Variants in BUB1 observed in about 807,000 individuals in gnomAD.
BUB1 encodes BUB1 mitotic checkpoint serine/threonine kinase.
A neutral mutation model predicts 135.2 loss-of-function variants in BUB1; 84 were observed. That is an observed-to-expected ratio of 0.62 (90% CI 0.52 to 0.74). BUB1 has a LOEUF of 0.74. Among genes scored for constraint, BUB1 ranks in the 30% least tolerant of loss-of-function variants. The pLI is 0.00. For missense variants in BUB1, 1,162 were observed against 1,288.3 expected (o/e 0.90, Z 1.50); for synonymous variants, 403 against 434.4 (o/e 0.93, Z 0.90).
intron 19 of BUB1, among the ~76,000 whole-genome samples, chr2:110,644,890 T>C (rs1249934889): frequency 6.6e-6 from 1 of 152,046 alleles, no homozygotes; most frequent in African/African-American, 2.4e-5. Context: ...TTGCAAACAC[T>C]AGGTTAACCA....
chr2:110,657,594 AAAG>A lies in BUB1; in HGVS notation c.1565_1567del (p.Ser522del), dbSNP rs1689967300. On this transcript the variant is annotated inframe_deletion, in exon 14 of 25. Transcript: ENST00000302759. ...TTCAAACACATGAAAAGCAGATGAC[AAAG>A]AAGAGATGATCTTATTGACTCCCCA... 1 of 1,608,562 alleles carries A rather than the reference AAAG, an allele frequency of 6.2e-7. No homozygotes were observed.
chr2:110,674,613 A>AT (rs1559176766), intron 1 of BUB1, among the ~76,000 whole-genome samples: 1 of 152,224 alleles, frequency 6.6e-6, no homozygotes, highest in Non-Finnish European at 1.5e-5. Context: ...GTGTTTTTCC[A>AT]TAAGTCCCAG....
Position 110,674,078 on chromosome 2 carries a change from A to G in BUB1, c.225+8T>C, listed in dbSNP as rs1032223008. On this transcript the variant is annotated splice_region_variant and intron_variant, in intron 3 of 24. Coordinates refer to ENST00000302759, the MANE Select transcript of BUB1 (RefSeq NM_004336.5). ...ATAGATTTGATTATACATCTTAAGT[A>G]TACTTACAAATTTTAAACAATAACT... is the stretch of plus-strand genomic sequence containing the variant. The G allele has an allele frequency of 2.6e-5, 39 of 1,502,654 alleles. No homozygotes were observed. In the Admixed American group the frequency reaches 5.4e-4, roughly 21 times the overall value. The allele number at this position is 1,502,654 out of a possible 1,614,324, so 93.1% of individuals were successfully genotyped here. A position where few individuals can be genotyped will look rare whatever the true frequency, so the allele number is the denominator to read the frequency against.
Position 110,643,689 on chromosome 2 carries a change from G to C in BUB1, c.2348-1455C>G, listed in dbSNP as rs553499556. 1.2e-4 allele frequency among the ~76,000 whole-genome samples: 18 copies of C among 152,260 alleles called. No homozygotes were observed. In the South Asian group the frequency reaches 3.7e-3, roughly 32 times the overall value. ...GGTTCTCACTCTGTCACCCAGGCTA[G>C]AGTGCAGTAGCATGAACATAGCTCA... On this transcript the variant is annotated intron_variant, in intron 19 of 24. Coordinates refer to ENST00000302759, the MANE Select transcript of BUB1 (RefSeq NM_004336.5).
intron 19 of BUB1, among the ~76,000 whole-genome samples, chr2:110,647,632 C>G (rs1247435744): frequency 6.6e-6 from 1 of 151,692 alleles, no homozygotes; most frequent in Non-Finnish European, 1.5e-5. Flanking sequence ...TACAAAAAAC[C>G]TACAGCTAAA....
chr2:110,653,255 T>C (rs747190937), intron 17 of BUB1, among the ~76,000 whole-genome samples, 181 bp downstream of exon 17: 10 of 152,250 alleles, frequency 6.6e-5, no homozygotes, highest in Non-Finnish European at 1.2e-4. Context: ...CACTGTTGTA[T>C]GTATATTCAC....
At chr2:110,665,555 AAAAG>A (rs755001348) in intron 9 of BUB1, among the ~76,000 whole-genome samples, 82 of 151,104 alleles carry the variant, frequency 5.4e-4, no homozygotes, top group Non-Finnish European at 1.1e-3. Flanking sequence ...AATTAAAAAA[AAAAG>A]AAAAAGAATG....
At chr2:110,676,930 AAAT>A (rs1690606248) in intron 1 of BUB1, among the ~76,000 whole-genome samples, 2 of 152,008 alleles carry the variant, frequency 1.3e-5, no homozygotes, top group Non-Finnish European at 2.9e-5. Context: ...AAACTAAAAA[AAAT>A]AATAATTCTG....
intron 16 of BUB1, among the ~76,000 whole-genome samples, chr2:110,654,894 A>C (rs1281749752): frequency 6.6e-6 from 1 of 152,142 alleles, no homozygotes; most frequent in African/African-American, 2.4e-5. Context: ...TAAAAGCGTG[A>C]GCAATGATAG....
intron 16 of BUB1, 60 bp downstream of exon 16, chr2:110,655,679 A>C: frequency 7.2e-7 from 1 of 1,394,804 alleles, no homozygotes; most frequent in South Asian, 1.6e-5. Flanking sequence ...AAACTTCATG[A>C]AGAAAACTGA....
chr2:110,651,364 T>G (rs1392214801), intron 17 of BUB1, among the ~76,000 whole-genome samples: 1 of 152,096 alleles, frequency 6.6e-6, no homozygotes, highest in Non-Finnish European at 1.5e-5. Flanking sequence ...TGTGTGGTCG[T>G]TTTTAACAAA....
intron 6 of BUB1, 120 bp downstream of exon 6, chr2:110,669,333 C>G (rs1289953614): frequency 5.6e-6 from 4 of 718,168 alleles, no homozygotes; most frequent in Admixed American, 2.2e-5. Flanking sequence ...TGACATGGAG[C>G]TCAGAGCCAT....
rs1409623485 is a variant in BUB1, at chr2:110,669,547, G to C, written c.473C>G (p.Thr158Ser). Residue 158 changes from threonine (T) to serine (S), a missense_variant, in exon 6 of 25, where the codon ACC becomes AGC. Transcript: ENST00000302759. ...CTGAACATTATGCAGAGGTTCTGAG[G>C]TTCTAGCTATGAGGGAAAAGAGGAT... Reference protein sequence around the residue: ...TETHLPAQARTSEPLHNVQVL... With the variant: ...TETHLPAQARSSEPLHNVQVL... 2 of 1,599,568 alleles carry C rather than the reference G, an allele frequency of 1.3e-6. No individual in the cohort carries two copies. The highest frequency in any genetic ancestry group is 2.2e-5 in the East Asian group (1 of 44,814).
chr2:110,662,090 T>G (rs1690116253), intron 9 of BUB1: 2 of 460,512 alleles, frequency 4.3e-6, no homozygotes, highest in Admixed American at 3.9e-5. Flanking sequence ...TTCTAACCAC[T>G]GAAATAACAA....
intron 1 of BUB1, among the ~76,000 whole-genome samples, chr2:110,676,083 T>G (rs1188293315): frequency 6.6e-6 from 1 of 151,850 alleles, no homozygotes; most frequent in African/African-American, 2.4e-5. Flanking sequence ...AACTTCTCCA[T>G]GGCAAATAAC....
intron 1 of BUB1, among the ~76,000 whole-genome samples, chr2:110,676,933 T>TA (rs148467943): frequency 0.012 from 1,823 of 152,252 alleles, 41 homozygotes; most frequent in African/African-American, 0.042. Context: ...CTAAAAAAAA[T>TA]AATAATTCTG....
rs577116714 is a variant in BUB1, at chr2:110,661,958, T to A, written c.958-117A>T. On this transcript the variant is annotated intron_variant, in intron 9 of 24. Transcript: ENST00000302759. ...TGTCTTCAATGGATTCCTTTTTCCTTGAAGTTTCCCCATACTCCTTCTTCA... is the reference window on the plus strand; with the variant it reads ...TGTCTTCAATGGATTCCTTTTTCCTAGAAGTTTCCCCATACTCCTTCTTCA... 219 of 1,275,988 alleles carry A rather than the reference T, an allele frequency of 1.7e-4. 1 individual carries two copies. The highest frequency in any genetic ancestry group is 1.6e-3 in the Middle Eastern group (8 of 5,000). 79.0% of individuals were successfully genotyped at this position (1,275,988 alleles called of 1,614,324 possible).
Position 110,652,059 on chromosome 2 carries a change from T to TACAC in BUB1, c.1965-1279_1965-1276dup, listed in dbSNP as rs559734586. Among the ~76,000 whole-genome samples the TACAC allele has an allele frequency of 4.6e-3, 668 of 145,276 alleles. 5 individuals are homozygous for TACAC. The highest frequency in any genetic ancestry group is 0.014 in the African/African-American group (554 of 39,770). ...AAGTATATGTATACATATACATCCA[T>TACAC]ACACACACACACACACACACACACA... On this transcript the variant is annotated intron_variant, in intron 17 of 24. Transcript: ENST00000302759.
In BUB1 at chr2:110,637,612, G is replaced by GTGTGTT. The variant is rs1239716777; in HGVS notation, c.*351_*352insAACACA. ...TGTGTGTGTGTGTGTGTGTGTGTGTGTGTGTGTGTTTACACAGACACCAAA... is the reference window on the plus strand; with the variant it reads ...TGTGTGTGTGTGTGTGTGTGTGTGTGTGTGTTTGTGTGTGTTTACACAGACACCAAA... On this transcript the variant is annotated 3_prime_UTR_variant, in exon 25 of 25. Transcript: ENST00000302759. The GTGTGTT allele has an allele frequency of 6.1e-6, 1 of 163,614 alleles. No homozygotes were observed. Among genetic ancestry groups the GTGTGTT allele is most frequent in the African/African-American group, 2.4e-5 (1 of 41,842 alleles). The allele number at this position is 163,614 out of a possible 1,614,324, so 10.1% of individuals were successfully genotyped here.
Sources: gnomAD v4.1 joint callset for allele counts (sites outside exome capture counted in the v4.1 genomes callset) on GRCh38, gnomAD v4.1.1 for gene constraint, MANE v1.5 for transcripts, NCBI Gene and HGNC (gene_info 2026-07-23, HGNC 2026-07-21) for gene names.